SLC39A6: variants seen among roughly 807,000 people sequenced by gnomAD.
SLC39A6 encodes the protein zinc transporter ZIP6.
A neutral mutation model predicts 63.5 loss-of-function variants in SLC39A6; 51 were observed. The observed-to-expected ratio is 0.80, with a 90% CI of 0.64 to 1.01. The LOEUF (loss-of-function observed/expected upper bound fraction) is 1.01, where lower values mean the gene tolerates loss of function less well. Among genes scored for constraint, SLC39A6 ranks in the 50% least tolerant of loss-of-function variants. SLC39A6 has a pLI of 0.00. For missense variants in SLC39A6, 805 were observed against 927.8 expected (o/e 0.87, Z 1.72); for synonymous variants, 318 against 324.7 (o/e 0.98, Z 0.22).
chr18:36,111,325 G>C (rs532262892), intron 8 of SLC39A6, 76 bp from the exon 9 acceptor site: 5 of 1,434,698 alleles, frequency 3.5e-6, no homozygotes, highest in African/African-American at 1.4e-5. Context: ...ATACTTCCCA[G>C]ATTTAAGAAA....
Position 36,122,063 on chromosome 18 carries a change from T to C in SLC39A6, c.1348A>G (p.Lys450Glu), listed in dbSNP as rs1204088299. 1 of 1,608,538 alleles carries C rather than the reference T, an allele frequency of 6.2e-7. No homozygotes were observed. Among genetic ancestry groups the C allele is most frequent in the Non-Finnish European group, 8.5e-7 (1 of 1,176,644 alleles). Residue 450 changes from lysine (K) to glutamate (E), a missense_variant, in exon 5 of 10, where the codon AAG (lysine) becomes GAG (glutamate). Lys to Glu is a moderately conservative substitution (Grantham distance 56). Around this residue, in one of 4 missense-constraint regions of SLC39A6, gnomAD observed 639 missense variants for 644.0 expected, o/e 0.99. Coordinates refer to ENST00000269187, the MANE Select transcript of SLC39A6 (RefSeq NM_012319.4). The stretch of plus-strand genomic sequence containing the variant: ...ATACTTTTTCTTACCTTTTTCTTCT[T>C]ATCTTTAAATTGTTTGATCAATGTG... ...VLTLIKQFKD[K>E]KKKNQKKPEN...
At chr18:36,128,423 G>A (rs189328197) in intron 1 of SLC39A6, among the ~76,000 whole-genome samples, 55 of 152,264 alleles carry the variant, frequency 3.6e-4, no homozygotes, top group African/African-American at 1.2e-3. Flanking sequence ...ATGAAGGAAT[G>A]TATATTACAA....
rs1598712423 is a variant in SLC39A6 at position 36,124,529 on chromosome 18, A to G, written c.961T>C (p.Leu321=). The stretch of plus-strand genomic sequence containing the variant: ...AAAAAGGCAATTTTACCTATTTGTA[A>G]TGAATAGGTCTTTGGAGGGATTTCA... ...KAEIPPKTYS[L]QIAWVGGFIA... The change falls in exon 3 of 10, where the codon TTA becomes CTA. Residue 321 remains leucine (L), a synonymous_variant. Coordinates refer to ENST00000269187, the MANE Select transcript of SLC39A6 (RefSeq NM_012319.4). The G allele has an allele frequency of 5.9e-6, 9 of 1,525,002 alleles. No homozygotes were observed. The East Asian group carries it at 1.8e-4, about 31-fold the overall frequency. The allele number at this position is 1,525,002 out of a possible 1,614,324, so 94.5% of individuals were successfully genotyped here. A position where few individuals can be genotyped will look rare whatever the true frequency, so the allele number is the denominator to read the frequency against.
At chr18:36,113,980 C>A in intron 7 of SLC39A6, 117 bp downstream of exon 7, 1 of 1,271,246 alleles carries the variant, frequency 7.9e-7, no homozygotes. Context: ...TTTTTATAAT[C>A]TTGGAAGTCA....
rs146216432 is a variant in SLC39A6, at chr18:36,118,492, T to G, written c.1360-1713A>C. On this transcript the variant is annotated intron_variant, in intron 5 of 9. Coordinates refer to ENST00000269187, the MANE Select transcript of SLC39A6 (RefSeq NM_012319.4). Reference sequence around the variant, plus strand: ...ACTTATACCAAGACCTAAAGATAGGTAGGAATTTGGTGGGGAAGGTTGGGG... The same window carrying G: ...ACTTATACCAAGACCTAAAGATAGGGAGGAATTTGGTGGGGAAGGTTGGGG... Among the ~76,000 whole-genome samples the G allele has an allele frequency of 1.8e-4, 28 of 151,870 alleles. No homozygotes were observed. In the East Asian group the frequency reaches 5.2e-3, roughly 28 times the overall value.
chr18:36,118,379 C>T (rs980223699), intron 5 of SLC39A6, among the ~76,000 whole-genome samples: 2 of 152,140 alleles, frequency 1.3e-5, no homozygotes, highest in African/African-American at 4.8e-5. Flanking sequence ...ATTTTTGACA[C>T]ATTTTACAAT....
chr18:36,112,574 A>C lies in SLC39A6; in HGVS notation c.1851T>G (p.Ala617=). ...NFSDGLAIGA[A]FTEGLSSGLS... is the part of the protein sequence containing the mutation. ...AACCACTTGATAAGCCTTCAGTAAA[A>C]GCAGCACCTGTGTAAAAATCAATCA... Residue 617 remains alanine, a synonymous_variant, in exon 8 of 10, where the codon GCT becomes GCG. Transcript: ENST00000269187. The C allele has an allele frequency of 1.2e-6, 2 of 1,613,254 alleles. No individual in the cohort carries two copies. The highest frequency in any genetic ancestry group is 1.7e-6 in the Non-Finnish European group (2 of 1,179,334).
chr18:36,121,355 C>T (rs1011069676), intron 5 of SLC39A6, among the ~76,000 whole-genome samples: 9 of 152,094 alleles, frequency 5.9e-5, no homozygotes, highest in African/African-American at 2.2e-4. Context: ...TGGGGTTTCA[C>T]CATGTTGGCC....
intron 2 of SLC39A6, among the ~76,000 whole-genome samples, chr18:36,125,774 T>A (rs1044950328): frequency 6.6e-6 from 1 of 152,234 alleles, no homozygotes; most frequent in South Asian, 2.1e-4. Flanking sequence ...CCTCAAGTCA[T>A]GGTGGACCTT....
chr18:36,124,184 T>G (rs1429420116), intron 3 of SLC39A6, among the ~76,000 whole-genome samples: 1 of 152,192 alleles, frequency 6.6e-6, no homozygotes, highest in Admixed American at 6.5e-5. Flanking sequence ...TCAATAAGAA[T>G]GCATCAGTAT....
intron 5 of SLC39A6, among the ~76,000 whole-genome samples, chr18:36,120,860 A>T (rs1770033664): frequency 1.3e-5 from 2 of 152,228 alleles, no homozygotes; most frequent in South Asian, 4.1e-4. Context: ...GTGCTAAAAA[A>T]AGATATCAAA....
In SLC39A6 at chr18:36,108,706, T is replaced by A. The variant is rs551119054; in HGVS notation, c.*887A>T. 3 of 152,258 alleles carry A rather than the reference T, an allele frequency of 2.0e-5. No homozygotes were observed. In the South Asian group the frequency reaches 6.2e-4, roughly 32 times the overall value. The allele number at this position is 152,258 out of a possible 1,614,324, so 9.4% of individuals were successfully genotyped here. A position where few individuals can be genotyped will look rare whatever the true frequency, so the allele number is the denominator to read the frequency against. ...TCGAATCAAATGATACTTAGTGTAGTTTTAATATCCTCATATATATCAAAG... is the reference window on the plus strand; with the variant it reads ...TCGAATCAAATGATACTTAGTGTAGATTTAATATCCTCATATATATCAAAG... On this transcript the variant is annotated 3_prime_UTR_variant, in exon 10 of 10. Transcript: ENST00000269187.
chr18:36,110,062 A>T (rs1352504020), intron 9 of SLC39A6, among the ~76,000 whole-genome samples: 1 of 152,218 alleles, frequency 6.6e-6, no homozygotes, highest in Non-Finnish European at 1.5e-5. Flanking sequence ...TGAACTGGAT[A>T]TAACATGTAG....
intron 9 of SLC39A6, among the ~76,000 whole-genome samples, chr18:36,110,235 C>T (rs2089290330): frequency 6.6e-6 from 1 of 152,000 alleles, no homozygotes; most frequent in Non-Finnish European, 1.5e-5. Flanking sequence ...AGATATGACT[C>T]CTTTGTTGAT....
chr18:36,122,062 T>G lies in SLC39A6; in HGVS notation c.1349A>C (p.Lys450Thr). Residue 450 changes from lysine to threonine, a missense_variant, in exon 5 of 10, where the codon AAG becomes ACG. Around this residue, in one of 4 missense-constraint regions of SLC39A6, gnomAD observed 639 missense variants for 644.0 expected, o/e 0.99. Coordinates refer to ENST00000269187, the MANE Select transcript of SLC39A6 (RefSeq NM_012319.4). ...VLTLIKQFKD[K>T]KKKNQKKPEN... ...TATACTTTTTCTTACCTTTTTCTTCTTATCTTTAAATTGTTTGATCAATGT... is the reference window on the plus strand; with the variant it reads ...TATACTTTTTCTTACCTTTTTCTTCGTATCTTTAAATTGTTTGATCAATGT... 1 of 1,608,076 alleles carries G rather than the reference T, an allele frequency of 6.2e-7. No individual in the cohort carries two copies. Among genetic ancestry groups the G allele is most frequent in the Non-Finnish European group, 8.5e-7 (1 of 1,176,178 alleles).
In SLC39A6 at chr18:36,109,575, C is replaced by T; in HGVS notation, c.*18G>A. On this transcript the variant is annotated 3_prime_UTR_variant, in exon 10 of 10. Coordinates refer to ENST00000269187, the MANE Select transcript of SLC39A6 (RefSeq NM_012319.4). The stretch of plus-strand genomic sequence containing the variant: ...AACTATGACAACTTTTTAAGCTACT[C>T]TAGCATTTAAACCTTAACTAGAAAT... 6.3e-7 allele frequency: 1 copy of T among 1,590,482 alleles called. No individual in the cohort carries two copies. Among genetic ancestry groups the T allele is most frequent in the East Asian group, 2.2e-5 (1 of 44,706 alleles).
chr18:36,123,482 T>C lies in SLC39A6; in HGVS notation c.1140+13A>G, dbSNP rs2089410506. ...AATAATCAAACACTAACAGGACAAA[T>C]TACTATACTTACATGTGGAAGAAGG... is the stretch of plus-strand genomic sequence containing the variant. On this transcript the variant is annotated intron_variant, in intron 4 of 9. Coordinates refer to ENST00000269187, the MANE Select transcript of SLC39A6 (RefSeq NM_012319.4). 7 of 1,590,618 alleles carry C rather than the reference T, an allele frequency of 4.4e-6. No homozygotes were observed. Among genetic ancestry groups the C allele is most frequent in the Non-Finnish European group, 6.0e-6 (7 of 1,172,926 alleles).
chr18:36,124,482 C>T, intron 3 of SLC39A6, 38 bp downstream of exon 3: 1 of 1,320,810 alleles, frequency 7.6e-7, no homozygotes, highest in East Asian at 2.3e-5. Context: ...ATAAATGAAT[C>T]TACTGAAATT....
At position 36,124,018 on chromosome 18, in the gene SLC39A6, A is replaced by T. The variant is rs1013104780; in HGVS notation, c.971-354T>A. On this transcript the variant is annotated intron_variant, in intron 3 of 9. Transcript: ENST00000269187. ...CCCATAAGAGCTAAATGATAAAAGA[A>T]TTTTTTTTTTTTAAGAAAAAAGGAA... Among the ~76,000 whole-genome samples, 4 of 148,516 alleles carry T rather than the reference A, an allele frequency of 2.7e-5. No homozygotes were observed. The Admixed American group carries it at 2.7e-4, about 10-fold the overall frequency.
Sources: gnomAD v4.1 joint callset for allele counts (sites outside exome capture counted in the v4.1 genomes callset) on GRCh38, gnomAD v4.1.1 for gene constraint, gnomAD v4.1.1 regional missense constraint, MANE v1.5 for transcripts, NCBI Gene and HGNC (gene_info 2026-07-23, HGNC 2026-07-21) for gene names.